KIF6: variants seen among roughly 807,000 people sequenced by gnomAD.
KIF6 encodes kinesin-like protein KIF6.
KIF6 carries 106 observed loss-of-function variants against 112.7 expected under a neutral mutation model. The ratio of observed to expected loss-of-function variants is 0.94; its 90% CI spans 0.80 to 1.11. The LOEUF (loss-of-function observed/expected upper bound fraction) is 1.11. Among genes scored for constraint, KIF6 ranks in the 50% least tolerant of loss-of-function variants. KIF6 has a pLI of 0.00. For synonymous variants in KIF6, 339 were observed against 339.9 expected, an observed-to-expected ratio of 1.00 and a Z score of 0.03; for missense variants, 929 against 964.0, an observed-to-expected ratio of 0.96 and a Z score of 0.48.
chr6:39,518,785 T>G (rs1777212384), intron 13 of KIF6, among the ~76,000 whole-genome samples: 1 of 152,178 alleles, frequency 6.6e-6, no homozygotes, highest in Non-Finnish European at 1.5e-5. Context: ...AGGTCATTCG[T>G]ATGCTGCAAA....
chr6:39,714,659 C>G (rs781090271), intron 3 of KIF6, 33 bp downstream of exon 3: 1 of 1,498,510 alleles, frequency 6.7e-7, no homozygotes, highest in Middle Eastern at 1.7e-4. Flanking sequence ...TGAAAAACCA[C>G]GAGCCCACTG....
intron 10 of KIF6, among the ~76,000 whole-genome samples, chr6:39,576,707 T>A (rs1052466895): frequency 6.6e-6 from 1 of 152,144 alleles, no homozygotes; most frequent in Admixed American, 6.5e-5. Context: ...TCTGGTATCA[T>A]CACCTTCTCC....
chr6:39,713,506 T>C (rs1789672691), intron 3 of KIF6, among the ~76,000 whole-genome samples: 1 of 152,038 alleles, frequency 6.6e-6, no homozygotes, highest in African/African-American at 2.4e-5. Context: ...GGGGTCAAGA[T>C]GAGAGAGTCT....
chr6:39,546,972 T>A (rs557507540), intron 10 of KIF6, among the ~76,000 whole-genome samples: 1 of 152,206 alleles, frequency 6.6e-6, no homozygotes. Context: ...AACACAAATA[T>A]GTTCACTAGT....
chr6:39,558,998 C>T (rs529179669), intron 10 of KIF6, among the ~76,000 whole-genome samples: 1 of 152,248 alleles, frequency 6.6e-6, no homozygotes, highest in South Asian at 2.1e-4. Context: ...TTAATACAAG[C>T]TGTAGACCAT....
chr6:39,552,224 A>G (rs1318742883), intron 10 of KIF6, among the ~76,000 whole-genome samples: 4 of 152,218 alleles, frequency 2.6e-5, no homozygotes, highest in Non-Finnish European at 5.9e-5. Context: ...CCATGTCCTG[A>G]GCACTCTGCT....
At position 39,720,716 on chromosome 6, in the gene KIF6, T is replaced by G; in HGVS notation, c.162A>C (p.Glu54Asp). The G allele has an allele frequency of 6.3e-7, 1 of 1,583,476 alleles. No individual in the cohort carries two copies. Among genetic ancestry groups the G allele is most frequent in the South Asian group, 1.1e-5 (1 of 90,212 alleles). The change falls in exon 2 of 23, where the codon GAA (glutamate) becomes GAC (aspartate). Residue 54 changes from glutamate (E) to aspartate (D), a missense_variant. Transcript: ENST00000287152. ...LADGFVNNKRESYKFKFQRIF... is the reference protein window; with the variant it reads ...LADGFVNNKRDSYKFKFQRIF... ...GAAAAACTTACTTAAATTTGTAGCT[T>G]TCTCGCTTATTATTCACAAACCCAT...
At chr6:39,586,527 C>T (rs1781650335) in intron 7 of KIF6, 123 bp from the exon 8 acceptor site, 1 of 716,380 alleles carries the variant, frequency 1.4e-6, no homozygotes, top group African/African-American at 1.8e-5. Flanking sequence ...CGGTGAAGCC[C>T]AAAACTTAAG....
chr6:39,613,856 A>G (rs1378127941), intron 5 of KIF6, among the ~76,000 whole-genome samples: 1 of 152,146 alleles, frequency 6.6e-6, no homozygotes, highest in Non-Finnish European at 1.5e-5. Context: ...TGAATAAAAA[A>G]TTTTCAAGTC....
chr6:39,509,778 G>A (rs1776654966), intron 13 of KIF6, among the ~76,000 whole-genome samples: 1 of 152,196 alleles, frequency 6.6e-6, no homozygotes, highest in South Asian at 2.1e-4. Context: ...AAGTGACGGG[G>A]AGAATGGAAC....
chr6:39,482,288 C>T (rs1226685209), intron 13 of KIF6, among the ~76,000 whole-genome samples: 1 of 152,184 alleles, frequency 6.6e-6, no homozygotes, highest in Non-Finnish European at 1.5e-5. Context: ...CTGATTCTAC[C>T]TGGTGAATTG....
intron 16 of KIF6, among the ~76,000 whole-genome samples, chr6:39,371,996 T>C (rs532107812): frequency 8.5e-5 from 13 of 152,248 alleles, no homozygotes; most frequent in African/African-American, 2.9e-4. Context: ...CTTGAGGAAA[T>C]CGAGCCTTAG....
chr6:39,705,855 G>A (rs1328651854), intron 3 of KIF6, among the ~76,000 whole-genome samples: 5 of 152,180 alleles, frequency 3.3e-5, no homozygotes, highest in Admixed American at 2.0e-4. Flanking sequence ...CCTTTCCTTC[G>A]CTTTCTCACT....
chr6:39,402,346 A>G (rs897484853), intron 15 of KIF6, among the ~76,000 whole-genome samples: 2 of 152,164 alleles, frequency 1.3e-5, no homozygotes, highest in African/African-American at 4.8e-5. Context: ...TCCTGGGTCT[A>G]TGGGCCTGTT....
At chr6:39,464,112 CAGG>C (rs1417756786) in intron 13 of KIF6, among the ~76,000 whole-genome samples, 2 of 152,052 alleles carry the variant, frequency 1.3e-5, no homozygotes, top group Non-Finnish European at 2.9e-5. Context: ...CCAAAAGCAG[CAGG>C]AGAAGAGCTT....
At chr6:39,355,760 A>C (rs4714243) in intron 19 of KIF6, among the ~76,000 whole-genome samples, 101,082 of 151,300 alleles carry the variant, frequency 0.67, 35,571 homozygotes, top group African/African-American at 0.9. Flanking sequence ...CCACGCCTGG[A>C]CAATAGTTGT....
At chr6:39,688,958 C>T (rs1223378033) in intron 3 of KIF6, among the ~76,000 whole-genome samples, 1 of 151,856 alleles carries the variant, frequency 6.6e-6, no homozygotes, top group East Asian at 1.9e-4. Context: ...AAAAGTTAGC[C>T]CAGTGTGTGC....
intron 5 of KIF6, among the ~76,000 whole-genome samples, chr6:39,616,027 T>C (rs899399848): frequency 7.9e-5 from 12 of 152,160 alleles, no homozygotes; most frequent in Admixed American, 4.6e-4. Context: ...TACCTATATC[T>C]CTCACCATTA....
At chr6:39,722,629 A>C (rs2113909014) in intron 1 of KIF6, among the ~76,000 whole-genome samples, 1 of 152,354 alleles carries the variant, frequency 6.6e-6, no homozygotes. Flanking sequence ...TAAAATGAAG[A>C]GAAAGAAAAA....
Sources: gnomAD v4.1 joint callset for allele counts (sites outside exome capture counted in the v4.1 genomes callset) on GRCh38, gnomAD v4.1.1 for gene constraint, MANE v1.5 for transcripts, NCBI Gene and HGNC (gene_info 2026-07-23, HGNC 2026-07-21) for gene names.